RADX: variants seen among roughly 807,000 people sequenced by gnomAD.
RADX encodes RPA-related protein RADX.
A neutral mutation model predicts 61.6 loss-of-function variants in RADX; 36 were observed. That is an observed-to-expected ratio of 0.58 (90% CI 0.45 to 0.77). The LOEUF (loss-of-function observed/expected upper bound fraction) is 0.77, where lower values mean the gene tolerates loss of function less well. RADX is among the 30% of genes least tolerant of loss of function. The pLI is 0.00. For missense variants in RADX, 497 were observed against 651.1 expected, an observed-to-expected ratio of 0.76 and a Z score of 2.58; for synonymous variants, 272 against 237.9, an observed-to-expected ratio of 1.14 and a Z score of -1.32.
At chrX:106,623,279 T>C (rs1042647717) in intron 2 of RADX, among the ~76,000 whole-genome samples, 3 of 111,734 alleles carry the variant, frequency 2.7e-5, no homozygotes, top group African/African-American at 9.7e-5. Flanking sequence ...TATCATTCAC[T>C]AGTAACTCTA....
intron 12 of RADX, among the ~76,000 whole-genome samples, 181 bp downstream of exon 12, chrX:106,662,486 T>C (rs1928124522): frequency 9.0e-6 from 1 of 111,008 alleles, no homozygotes; most frequent in Non-Finnish European, 1.9e-5. Flanking sequence ...AATTGTGTGC[T>C]TCTAAACATT....
chrX:106,675,129 C>T (rs1336846121), intron 13 of RADX, among the ~76,000 whole-genome samples: 2 of 111,749 alleles, frequency 1.8e-5, no homozygotes, highest in African/African-American at 6.5e-5. Flanking sequence ...TGATATCCTA[C>T]TTGGTGTCAT....
intron 10 of RADX, among the ~76,000 whole-genome samples, 165 bp from the exon 11 acceptor site, chrX:106,648,148 T>C (rs1927709046): frequency 8.9e-6 from 1 of 111,772 alleles, no homozygotes; most frequent in Non-Finnish European, 1.9e-5. Context: ...TATATGGATA[T>C]TTTTCATAAT....
chrX:106,642,433 G>A (rs1477616672), intron 10 of RADX, among the ~76,000 whole-genome samples: 2 of 109,994 alleles, frequency 1.8e-5, no homozygotes, highest in African/African-American at 6.6e-5. Context: ...TCTGGTAACC[G>A]TCCTTCTAAA....
intron 11 of RADX, among the ~76,000 whole-genome samples, chrX:106,652,981 G>A (rs1052320965): frequency 1.5e-5 from 1 of 67,350 alleles, no homozygotes; most frequent in Non-Finnish European, 2.4e-5. Flanking sequence ...GTGAGATTCT[G>A]TCAAAAAAAA....
chrX:106,660,851 C>T (rs1603057283), intron 11 of RADX, among the ~76,000 whole-genome samples: 1 of 111,763 alleles, frequency 8.9e-6, no homozygotes, highest in African/African-American at 3.3e-5. Context: ...AAATGACTGC[C>T]TGAGACTGGG....
Position 106,678,326 on chromosome X carries a change from T to C in RADX, c.*68T>C. On this transcript the variant is annotated 3_prime_UTR_variant, in exon 14 of 14. Transcript: ENST00000372548. ...CTTTAAAGATATTCCATCATTTTGC[T>C]GGTAATTTCAGTAACTGTTTTCAGC... 1 of 790,551 alleles carries C rather than the reference T, an allele frequency of 1.3e-6. No homozygotes were observed. Among genetic ancestry groups the C allele is most frequent in the Non-Finnish European group, 1.8e-6 (1 of 557,316 alleles). 65.2% of individuals were successfully genotyped at this position (790,551 alleles called of 1,213,427 possible).
In RADX at chrX:106,650,824, G is replaced by A. The variant is rs140488614; in HGVS notation, c.1978+2438G>A. 1.5e-4 allele frequency among the ~76,000 whole-genome samples: 17 copies of A among 111,653 alleles called. No homozygotes were observed. In the East Asian group the frequency reaches 4.6e-3, roughly 30 times the overall value. On this transcript the variant is annotated intron_variant, in intron 11 of 13. Coordinates refer to ENST00000372548, the MANE Select transcript of RADX (RefSeq NM_018015.6). ...AAAGGTATCCACACACACACTTATC[G>A]GTAGAGGATGAGTAGAATAATAGAT...
chrX:106,630,193 C>T (rs1569423965), intron 3 of RADX, among the ~76,000 whole-genome samples: 1 of 110,522 alleles, frequency 9.0e-6, no homozygotes, highest in Non-Finnish European at 1.9e-5. Flanking sequence ...GTTGTGGTGG[C>T]ATGCACCTGT....
chrX:106,640,394 A>G (rs1927478706), intron 9 of RADX, 158 bp from the exon 10 acceptor site: 1 of 366,665 alleles, frequency 2.7e-6, no homozygotes, highest in Non-Finnish European at 4.8e-6. Flanking sequence ...TTAATAGCAG[A>G]TGGATTAGAT....
chrX:106,640,406 C>A (rs776810965), intron 9 of RADX, 146 bp from the exon 10 acceptor site: 5 of 401,365 alleles, frequency 1.2e-5, no homozygotes, highest in Non-Finnish European at 2.2e-5. Context: ...GGATTAGATT[C>A]AATCATTTTC....
rs748615705 is a variant in RADX at position 106,648,323 on chromosome X, C to A, written c.1915C>A (p.Pro639Thr). The part of the protein sequence containing the change: ...QGPHANPVAV[P>T]QPGASVQTKG... ...TCTTATCCTTTATAGAGTTGCTGTA[C>A]CTCAACCAGGAGCTTCTGTACAAAC... Residue 639 changes from proline to threonine, a missense_variant, in exon 11 of 14, where the codon CCT becomes ACT. Around this residue, in one of 3 missense-constraint regions of RADX, gnomAD observed 267 missense variants for 306.9 expected, o/e 0.87. Coordinates refer to ENST00000372548, the MANE Select transcript of RADX (RefSeq NM_018015.6). The A allele has an allele frequency of 8.4e-7, 1 of 1,190,873 alleles. No individual in the cohort carries two copies. The highest frequency in any genetic ancestry group is 2.2e-5 in the Admixed American group (1 of 45,556).
chrX:106,640,839 A>G, intron 10 of RADX, 118 bp downstream of exon 10: 1 of 477,166 alleles, frequency 2.1e-6, no homozygotes, highest in Non-Finnish European at 3.4e-6. Context: ...CCCATAACAA[A>G]ATACCACAAC....
chrX:106,619,163 C>T (rs930118461), intron 1 of RADX, among the ~76,000 whole-genome samples: 1 of 110,653 alleles, frequency 9.0e-6, no homozygotes. Flanking sequence ...TTTATGGGTA[C>T]ATAGTAGGTG....
At position 106,678,133 on chromosome X, in the gene RADX, A is replaced by G. The variant is rs749201135; in HGVS notation, c.2443A>G (p.Ile815Val). The change falls in exon 14 of 14, where the codon ATT becomes GTT. Residue 815 changes from isoleucine to valine, a missense_variant. Ile to Val is a conservative substitution (Grantham distance 29, BLOSUM62 3). Transcript: ENST00000372548. ...CATCTGCTTTTTACTTTTAGGTGAT[A>G]TTATAAAAGCAGCAACTGAACTGGA... ...LPGPRAVAGD[I>V]IKAATELDRV... 8 of 1,166,115 alleles carry G rather than the reference A, an allele frequency of 6.9e-6. No homozygotes were observed. In the Admixed American group the frequency reaches 1.8e-4, roughly 26 times the overall value.
intron 11 of RADX, among the ~76,000 whole-genome samples, chrX:106,655,730 C>A (rs1008806353): frequency 1.2e-4 from 13 of 111,516 alleles, no homozygotes; most frequent in Non-Finnish European, 2.3e-4. Flanking sequence ...TTTTCTTAAT[C>A]CAGTCTATCA....
At chrX:106,630,121 G>C (rs1927177487) in intron 3 of RADX, among the ~76,000 whole-genome samples, 1 of 111,335 alleles carries the variant, frequency 9.0e-6, no homozygotes, top group Non-Finnish European at 1.9e-5. Context: ...CCAGGAGTTT[G>C]AGACCAGCCT....
chrX:106,630,618 T>G (rs1927193309), intron 3 of RADX, among the ~76,000 whole-genome samples: 1 of 110,894 alleles, frequency 9.0e-6, no homozygotes, highest in Non-Finnish European at 1.9e-5. Flanking sequence ...TAACACAAAG[T>G]ATTAAAAAAA....
At chrX:106,651,427 G>A (rs960376184) in intron 11 of RADX, among the ~76,000 whole-genome samples, 84 of 111,330 alleles carry the variant, frequency 7.5e-4, no homozygotes, top group Non-Finnish European at 1.2e-3. Flanking sequence ...GTTATTACTT[G>A]TAGAGTCTCA....
Sources: allele counts gnomAD v4.1 joint callset (sites outside exome capture counted in the v4.1 genomes callset), GRCh38; gene constraint gnomAD v4.1.1; regional missense constraint gnomAD v4.1.1; transcripts MANE v1.5; gene names NCBI Gene and HGNC (gene_info 2026-07-23, HGNC 2026-07-21).